TNFSF4: variants seen among roughly 807,000 people sequenced by gnomAD.
The protein encoded by TNFSF4 is tumor necrosis factor ligand superfamily member 4.
TNFSF4 carries 4 observed loss-of-function variants against 7.3 expected under a neutral mutation model. That is an observed-to-expected ratio of 0.55 (90% CI 0.27 to 1.25). The LOEUF is 1.25. Among genes scored for constraint, TNFSF4 ranks in the 50% most tolerant of loss-of-function variants. The pLI, the probability that TNFSF4 is intolerant of heterozygous loss-of-function variation, is 0.12. For missense variants in TNFSF4, 181 were observed against 208.8 expected, an observed-to-expected ratio of 0.87 and a Z score of 0.82; for synonymous variants, 76 against 83.7, an observed-to-expected ratio of 0.91 and a Z score of 0.50.
the TNFSF4 span, among the ~76,000 whole-genome samples, chr1:173,304,434 G>A: frequency 2.6e-5 from 4 of 151,944 alleles, 1 homozygote. Flanking sequence ...ACTGGCTAGA[G>A]AGAATGGTTT....
At chr1:173,404,179 T>TG in the TNFSF4 span, among the ~76,000 whole-genome samples, 4 of 152,300 alleles carry the variant, frequency 2.6e-5, no homozygotes, top group East Asian at 5.8e-4. Context: ...CCCTTTGCCT[T>TG]GCATGCAGTG....
chr1:173,352,788 G>A, the TNFSF4 span, among the ~76,000 whole-genome samples: 1 of 20,082 alleles, frequency 5.0e-5, no homozygotes, highest in Non-Finnish European at 1.2e-4. Context: ...TAGCAAGCCT[G>A]GGGGTGCTGC....
chr1:173,188,431 G>T, intron 2 of TNFSF4, 90 bp downstream of exon 2: 2 of 1,033,200 alleles, frequency 1.9e-6, no homozygotes, highest in Non-Finnish European at 3.0e-6. Flanking sequence ...CTTAGGAAAA[G>T]AAGAGATCTT....
the TNFSF4 span, among the ~76,000 whole-genome samples, chr1:173,414,498 A>G: frequency 6.6e-6 from 1 of 152,330 alleles, no homozygotes; most frequent in South Asian, 2.1e-4. Flanking sequence ...TTGTCTCAAT[A>G]TTGCAAACAA....
the TNFSF4 span, among the ~76,000 whole-genome samples, chr1:173,284,600 T>A: frequency 1.3e-5 from 2 of 152,168 alleles, no homozygotes; most frequent in African/African-American, 4.8e-5. Flanking sequence ...ATGGGCTGAC[T>A]TTTTTGTTAA....
chr1:173,396,058 C>T, the TNFSF4 span, among the ~76,000 whole-genome samples: 490 of 152,322 alleles, frequency 3.2e-3, 5 homozygotes, highest in African/African-American at 0.011. Flanking sequence ...CACCACCTCT[C>T]TTTGCTTCTA....
the TNFSF4 span, among the ~76,000 whole-genome samples, chr1:173,244,610 C>G: frequency 1.0e-4 from 15 of 144,292 alleles, no homozygotes; most frequent in South Asian, 2.2e-4. Context: ...CCACTGCACT[C>G]CAGCCTGGGC....
the TNFSF4 span, among the ~76,000 whole-genome samples, chr1:173,265,783 A>G: frequency 0.026 from 4,029 of 152,110 alleles, 170 homozygotes; most frequent in African/African-American, 0.092. Context: ...TAAATTTTCT[A>G]GTTTGTTTTG....
At chr1:173,375,332 C>A in the TNFSF4 span, among the ~76,000 whole-genome samples, 1 of 152,162 alleles carries the variant, frequency 6.6e-6, no homozygotes, top group African/African-American at 2.4e-5. Context: ...ACTGCAAGGC[C>A]CCCTCTTTGC....
chr1:173,444,475 T>C, the TNFSF4 span, among the ~76,000 whole-genome samples: 1 of 152,152 alleles, frequency 6.6e-6, no homozygotes, highest in Non-Finnish European at 1.5e-5. Flanking sequence ...TAACATTAAG[T>C]GCTTCTCTTT....
At chr1:173,384,033 A>C in the TNFSF4 span, among the ~76,000 whole-genome samples, 1 of 152,190 alleles carries the variant, frequency 6.6e-6, no homozygotes, top group African/African-American at 2.4e-5. Flanking sequence ...AGGTGTGGGG[A>C]TATTAGCCAC....
At chr1:173,419,948 T>C in the TNFSF4 span, among the ~76,000 whole-genome samples, 5 of 152,184 alleles carry the variant, frequency 3.3e-5, no homozygotes, top group African/African-American at 1.2e-4. Flanking sequence ...GAATGCAGTT[T>C]GCCTGTCCTC....
chr1:173,339,116 G>A, the TNFSF4 span, among the ~76,000 whole-genome samples: 3 of 152,158 alleles, frequency 2.0e-5, no homozygotes, highest in African/African-American at 7.2e-5. Context: ...ATCAGGCAGG[G>A]TGCAGTGGCT....
At chr1:173,288,172 G>A in the TNFSF4 span, among the ~76,000 whole-genome samples, 5 of 152,134 alleles carry the variant, frequency 3.3e-5, no homozygotes, top group South Asian at 2.1e-4. Flanking sequence ...AGCCAAGCAC[G>A]GGGTGGCTTG....
At chr1:173,299,392 G>A in the TNFSF4 span, among the ~76,000 whole-genome samples, 21 of 151,900 alleles carry the variant, frequency 1.4e-4, no homozygotes, top group Non-Finnish European at 2.7e-4. Context: ...GCCCCAAGGT[G>A]TTAGGATTCT....
chr1:173,412,927 G>A, the TNFSF4 span, among the ~76,000 whole-genome samples: 6 of 152,250 alleles, frequency 3.9e-5, no homozygotes, highest in South Asian at 8.3e-4. Flanking sequence ...ATAAAAAAGG[G>A]GGTGGGAATC....
At chr1:173,200,803 T>C (rs567243916) in intron 1 of TNFSF4, among the ~76,000 whole-genome samples, 2 of 152,258 alleles carry the variant, frequency 1.3e-5, no homozygotes, top group East Asian at 3.9e-4. Context: ...CTGTACAATA[T>C]AGTACTTTGG....
the TNFSF4 span, among the ~76,000 whole-genome samples, chr1:173,335,687 G>C: frequency 6.6e-6 from 1 of 152,150 alleles, no homozygotes; most frequent in African/African-American, 2.4e-5. Flanking sequence ...AAAACACAGG[G>C]TGATGTCCCC....
the TNFSF4 span, among the ~76,000 whole-genome samples, chr1:173,262,463 A>G: frequency 6.6e-6 from 1 of 152,158 alleles, no homozygotes; most frequent in Non-Finnish European, 1.5e-5. Flanking sequence ...TCAACCTAGT[A>G]TTGGAAGTTC....
Sources: gnomAD v4.1 joint callset for allele counts (sites outside exome capture counted in the v4.1 genomes callset) on GRCh38, gnomAD v4.1.1 for gene constraint, MANE v1.5 for transcripts, NCBI Gene and HGNC (gene_info 2026-07-23, HGNC 2026-07-21) for gene names.